Variants in ZNF184 observed in about 807,000 individuals in gnomAD.
The protein encoded by ZNF184 is zinc finger protein 184.
Under a neutral mutation model 54.4 loss-of-function variants are expected in ZNF184, and 16 were observed. That is an observed-to-expected ratio of 0.29 (90% CI 0.20 to 0.45). ZNF184 has a LOEUF of 0.45. Among genes scored for constraint, ZNF184 ranks in the 20% least tolerant of loss-of-function variants. The probability of loss-of-function intolerance (pLI) is 1.00; values close to 1 mark genes in which losing one functional copy is unlikely to be tolerated. For missense variants in ZNF184, 681 were observed against 888.2 expected, an observed-to-expected ratio of 0.77 and a Z score of 2.97; for synonymous variants, 254 against 295.3, an observed-to-expected ratio of 0.86 and a Z score of 1.43.
chr6:27,425,853 C>T, the ZNF184 span, among the ~76,000 whole-genome samples: 1 of 152,170 alleles, frequency 6.6e-6, no homozygotes, highest in Non-Finnish European at 1.5e-5. Flanking sequence ...CCCAGAACAC[C>T]GTTTCTATCT....
the ZNF184 span, among the ~76,000 whole-genome samples, chr6:27,434,227 T>A: frequency 2.0e-5 from 3 of 152,168 alleles, no homozygotes; most frequent in African/African-American, 7.2e-5. Context: ...GGTAATCCTG[T>A]TTAACTTTTT....
Position 27,450,750 on chromosome 6 carries a change from G to T in ZNF184, c.*553C>A, listed in dbSNP as rs1051700196. The T allele has an allele frequency of 1.3e-5, 2 of 151,304 alleles. No individual in the cohort carries two copies. The highest frequency in any genetic ancestry group is 2.9e-5 in the Non-Finnish European group (2 of 67,868). The allele number at this position is 151,304 out of a possible 1,614,324, so 9.4% of individuals were successfully genotyped here. On this transcript the variant is annotated 3_prime_UTR_variant, in exon 6 of 6. Coordinates refer to ENST00000683788, the MANE Select transcript of ZNF184 (RefSeq NM_001318891.2). Reference sequence around the variant, plus strand: ...GAATATTAAAAACAGACTAGAAGAAGAATAATAGTAAGTTTTAATATTCTT... The same window carrying T: ...GAATATTAAAAACAGACTAGAAGAATAATAATAGTAAGTTTTAATATTCTT...
At chr6:27,457,504 A>G in intron 3 of ZNF184, 95 bp from the exon 4 acceptor site, 1 of 1,333,654 alleles carries the variant, frequency 7.5e-7, no homozygotes, top group Non-Finnish European at 1.0e-6. Flanking sequence ...AGTCTATAGG[A>G]TGTCTGCAAA....
chr6:27,436,247 T>C, the ZNF184 span, among the ~76,000 whole-genome samples: 6 of 152,178 alleles, frequency 3.9e-5, no homozygotes, highest in Admixed American at 1.3e-4. Flanking sequence ...CACTGCAACC[T>C]CCGCCTCCCA....
intron 3 of ZNF184, among the ~76,000 whole-genome samples, chr6:27,465,367 C>G (rs1763106207): frequency 6.7e-6 from 1 of 149,070 alleles, no homozygotes; most frequent in African/African-American, 2.5e-5. Context: ...TGCCTGTAGT[C>G]CTAGCTACTC....
At chr6:27,425,085 T>A in the ZNF184 span, among the ~76,000 whole-genome samples, 1 of 152,186 alleles carries the variant, frequency 6.6e-6, no homozygotes, top group African/African-American at 2.4e-5. Context: ...AAGCCCCTCA[T>A]TGCCCGGGGC....
the ZNF184 span, among the ~76,000 whole-genome samples, chr6:27,429,739 G>A: frequency 6.6e-6 from 1 of 152,138 alleles, no homozygotes; most frequent in African/African-American, 2.4e-5. Flanking sequence ...CCCAGCAAAA[G>A]GCTGATCTCT....
chr6:27,425,992 G>A, the ZNF184 span, among the ~76,000 whole-genome samples: 2 of 152,146 alleles, frequency 1.3e-5, no homozygotes, highest in African/African-American at 4.8e-5. Flanking sequence ...CAAGCACACT[G>A]GTGTATTTCT....
the ZNF184 span, chr6:27,405,299 G>A: frequency 0.71 from 108,406 of 152,034 alleles, 38,841 homozygotes; most frequent in Middle Eastern, 0.82. Context: ...CTCCTGGAAG[G>A]CTTTCCAGTC....
Position 27,467,886 on chromosome 6 carries a change from C to G in ZNF184, c.42G>C (p.Gly14=), listed in dbSNP as rs750458308. 1 of 1,611,890 alleles carries G rather than the reference C, an allele frequency of 6.2e-7. No homozygotes were observed. The highest frequency in any genetic ancestry group is 2.2e-5 in the East Asian group (1 of 44,674). The stretch of plus-strand genomic sequence containing the variant: ...TGGCTGATGAGAGTAGATTATGTCC[C>G]CCTTGGAGAAGGGTGGAGTCTGGAG... The part of the protein sequence containing the change: ...LSSPDSTLLQ[G]GHNLLSSASF... Residue 14 remains glycine, a synonymous_variant, in exon 3 of 6, where the codon GGG becomes GGC. Transcript: ENST00000683788.
the ZNF184 span, among the ~76,000 whole-genome samples, chr6:27,445,111 C>T: frequency 6.6e-6 from 1 of 152,038 alleles, no homozygotes; most frequent in Non-Finnish European, 1.5e-5. Context: ...GGTTTATACC[C>T]AACAGAAATG....
At chr6:27,434,397 G>T in the ZNF184 span, among the ~76,000 whole-genome samples, 1 of 152,004 alleles carries the variant, frequency 6.6e-6, no homozygotes, top group Non-Finnish European at 1.5e-5. Flanking sequence ...CCTTGTTGTG[G>T]TTTTTATTTG....
chr6:27,455,392 A>G (rs1400782107), intron 5 of ZNF184, among the ~76,000 whole-genome samples: 2 of 152,166 alleles, frequency 1.3e-5, no homozygotes, highest in African/African-American at 4.8e-5. Context: ...TAGTTTTTGA[A>G]AAGCCTAAGT....
At chr6:27,407,643 A>G in the ZNF184 span, 6 of 615,384 alleles carry the variant, frequency 9.8e-6, no homozygotes, top group African/African-American at 1.1e-4. Flanking sequence ...GTGTGCCTGC[A>G]CGCCAAACTT....
chr6:27,459,036 A>C (rs1762934255), intron 3 of ZNF184, among the ~76,000 whole-genome samples: 1 of 152,278 alleles, frequency 6.6e-6, no homozygotes, highest in Non-Finnish European at 1.5e-5. Context: ...CAAAAACAAA[A>C]CGAGCTCATA....
chr6:27,460,227 ACTATTGGTGGGACTG>A (rs1235745528), intron 3 of ZNF184, among the ~76,000 whole-genome samples: 1 of 152,140 alleles, frequency 6.6e-6, no homozygotes, highest in East Asian at 1.9e-4. Flanking sequence ...TCAACCAAAT[ACTATTGGTGGGACTG>A]GGTAGTGGGA....
rs1458588034 is a variant in ZNF184, at chr6:27,452,283, C to T, written c.1276G>A (p.Ala426Thr). ...GTGAGGTTTGAGTGCTGGCTGAAGG[C>T]TTTCCCACATTCATTGCATTCGTAC... ...KPYECNECGK[A>T]FSQHSNLTQH... Residue 426 changes from alanine to threonine, a missense_variant, in exon 6 of 6, where the codon GCC becomes ACC. Coordinates refer to ENST00000683788, the MANE Select transcript of ZNF184 (RefSeq NM_001318891.2). This position sits in a 1 kb window ranked among gnomAD's most constrained non-coding sequence, Gnocchi z 5.5. The T allele has an allele frequency of 4.3e-6, 7 of 1,613,984 alleles. No homozygotes were observed. The African/African-American group carries it at 8.0e-5, about 18-fold the overall frequency.
chr6:27,417,719 C>T, the ZNF184 span, among the ~76,000 whole-genome samples: 1 of 152,162 alleles, frequency 6.6e-6, no homozygotes, highest in Admixed American at 6.5e-5. Context: ...ACAACTTCCT[C>T]CAGACAAGCA....
At chr6:27,410,655 C>T in the ZNF184 span, among the ~76,000 whole-genome samples, 1 of 152,158 alleles carries the variant, frequency 6.6e-6, no homozygotes, top group Non-Finnish European at 1.5e-5. Context: ...CCTCAGCTTC[C>T]CGAGTAGCTG....
Sources: allele counts gnomAD v4.1 joint callset (sites outside exome capture counted in the v4.1 genomes callset), GRCh38; gene constraint gnomAD v4.1.1; non-coding constraint Gnocchi (gnomAD v3.1); transcripts MANE v1.5; gene names NCBI Gene and HGNC (gene_info 2026-07-23, HGNC 2026-07-21).